The following CHCHD6 variants were observed in gnomAD, a reference collection of about 807,000 sequenced individuals.
The protein encoded by CHCHD6 is coiled-coil-helix-coiled-coil-helix domain containing 6.
CHCHD6 carries 28 observed loss-of-function variants against 32.3 expected under a neutral mutation model. That is an observed-to-expected ratio of 0.87 (90% confidence interval 0.64 to 1.19). The LOEUF (loss-of-function observed/expected upper bound fraction) is 1.19. Ranked by LOEUF, CHCHD6 falls within the 50% of genes most tolerant of loss-of-function variation. The pLI is 0.00. For missense variants in CHCHD6, 333 were observed against 307.0 expected, an observed-to-expected ratio of 1.08 and a Z score of -0.63; for synonymous variants, 122 against 117.5, an observed-to-expected ratio of 1.04 and a Z score of -0.25.
At chr3:126,863,724 G>C (rs1246631887) in intron 5 of CHCHD6, among the ~76,000 whole-genome samples, 2,537 of 18,264 alleles carry the variant, frequency 0.14, no homozygotes, top group Middle Eastern at 0.19. Flanking sequence ...CCATCACCAC[G>C]TCCTCCTCCT....
intron 6 of CHCHD6, among the ~76,000 whole-genome samples, chr3:126,937,438 T>C (rs1307174138): frequency 1.3e-5 from 2 of 152,086 alleles, no homozygotes; most frequent in Admixed American, 1.3e-4. Context: ...GACTGGTGCC[T>C]GTGTGGCTTG....
intron 4 of CHCHD6, among the ~76,000 whole-genome samples, chr3:126,738,764 A>G (rs898175556): frequency 6.6e-6 from 1 of 152,236 alleles, no homozygotes; most frequent in Non-Finnish European, 1.5e-5. Context: ...ATGGGTGACA[A>G]TTCAAAGGTC....
chr3:126,797,498 G>A (rs1392901433), intron 4 of CHCHD6, among the ~76,000 whole-genome samples: 1 of 152,176 alleles, frequency 6.6e-6, no homozygotes, highest in Non-Finnish European at 1.5e-5. Flanking sequence ...GATGGAAAAT[G>A]TGGTGTCCCA....
chr3:126,823,904 A>AACAAAAAC (rs1553742964), intron 4 of CHCHD6, among the ~76,000 whole-genome samples: 19 of 151,228 alleles, frequency 1.3e-4, no homozygotes, highest in Admixed American at 4.6e-4. Context: ...CAAAAACAAA[A>AACAAAAAC]ACACACACAC....
At chr3:126,751,316 AC>A (rs1386266061) in intron 4 of CHCHD6, among the ~76,000 whole-genome samples, 1 of 151,992 alleles carries the variant, frequency 6.6e-6, no homozygotes, top group African/African-American at 2.4e-5. Context: ...AGCCTGGGCA[AC>A]ATGGCAAAAC....
At chr3:126,874,861 G>A (rs2077519859) in intron 5 of CHCHD6, among the ~76,000 whole-genome samples, 1 of 152,240 alleles carries the variant, frequency 6.6e-6, no homozygotes, top group South Asian at 2.1e-4. Context: ...GGGTGTCCTA[G>A]CCCCTTCTGG....
At chr3:126,900,149 A>G (rs1576575710) in intron 5 of CHCHD6, among the ~76,000 whole-genome samples, 1 of 152,212 alleles carries the variant, frequency 6.6e-6, no homozygotes, top group African/African-American at 2.4e-5. Flanking sequence ...ACGTGAATGG[A>G]AAAGACGTTG....
intron 4 of CHCHD6, among the ~76,000 whole-genome samples, chr3:126,751,503 C>CAAAA (rs774893414): frequency 1.4e-4 from 10 of 71,722 alleles, no homozygotes; most frequent in East Asian, 4.8e-4. Context: ...GACCCTGTCT[C>CAAAA]AAAAAAAAAA....
chr3:126,810,885 G>A (rs994041310), intron 4 of CHCHD6, among the ~76,000 whole-genome samples: 4 of 152,198 alleles, frequency 2.6e-5, no homozygotes, highest in African/African-American at 9.6e-5. Context: ...GGATGGGGCA[G>A]GAGGAGAGGC....
intron 4 of CHCHD6, among the ~76,000 whole-genome samples, chr3:126,768,011 G>A (rs1937444760): frequency 6.6e-6 from 1 of 152,182 alleles, no homozygotes; most frequent in Admixed American, 6.5e-5. Context: ...TGAGTATTTA[G>A]GTTGATGCCA....
chr3:126,896,778 C>T (rs1049940810), intron 5 of CHCHD6, among the ~76,000 whole-genome samples: 7 of 152,146 alleles, frequency 4.6e-5, no homozygotes, highest in Non-Finnish European at 4.4e-5. Context: ...AGCAGACCCT[C>T]GAAGGGGATA....
At chr3:126,834,077 A>ATTACC (rs1940757824) in intron 4 of CHCHD6, among the ~76,000 whole-genome samples, 1 of 151,182 alleles carries the variant, frequency 6.6e-6, no homozygotes, top group African/African-American at 2.4e-5. Context: ...AAAAAAAAAA[A>ATTACC]AGAATTACCA....
chr3:126,869,171 GT>G (rs1257322248), intron 5 of CHCHD6, among the ~76,000 whole-genome samples: 1 of 151,690 alleles, frequency 6.6e-6, no homozygotes, highest in African/African-American at 2.4e-5. Context: ...TACAAACATA[GT>G]TTGTTTTAAC....
chr3:126,865,551 T>G (rs1029582062), intron 5 of CHCHD6: 1 of 985,082 alleles, frequency 1.0e-6, no homozygotes, highest in Non-Finnish European at 1.2e-6. Context: ...CCACGTCCAC[T>G]TGCACTTCTG....
intron 6 of CHCHD6, among the ~76,000 whole-genome samples, chr3:126,937,107 C>T (rs2078491589): frequency 6.6e-6 from 1 of 152,222 alleles, no homozygotes. Flanking sequence ...TTCCTGTCTC[C>T]ATTTTAAACA....
chr3:126,736,712 T>A (rs1936059626), intron 4 of CHCHD6, among the ~76,000 whole-genome samples: 1 of 152,190 alleles, frequency 6.6e-6, no homozygotes, highest in African/African-American at 2.4e-5. Flanking sequence ...CAATGTGTGT[T>A]TGCTGTCACT....
chr3:126,875,259 C>T (rs2077525183), intron 5 of CHCHD6, among the ~76,000 whole-genome samples: 1 of 152,252 alleles, frequency 6.6e-6, no homozygotes, highest in Admixed American at 6.5e-5. Context: ...AGTACCCACC[C>T]TGCATGGGTC....
At chr3:126,756,849 T>C (rs966512945) in intron 4 of CHCHD6, among the ~76,000 whole-genome samples, 4 of 152,138 alleles carry the variant, frequency 2.6e-5, no homozygotes, top group African/African-American at 9.7e-5. Flanking sequence ...AGTAAACAAG[T>C]AGATAATAGG....
chr3:126,937,557 G>A (rs984906596), intron 6 of CHCHD6, among the ~76,000 whole-genome samples: 2 of 152,216 alleles, frequency 1.3e-5, no homozygotes, highest in Admixed American at 6.5e-5. Context: ...ATCTGCTTAA[G>A]CCTCAGGGTC....
Sources: gnomAD v4.1 joint callset for allele counts (sites outside exome capture counted in the v4.1 genomes callset) on GRCh38, gnomAD v4.1.1 for gene constraint, MANE v1.5 for transcripts, NCBI Gene and HGNC (gene_info 2026-07-23, HGNC 2026-07-21) for gene names.